Variants in DDX42 observed in about 807,000 individuals in gnomAD.
DDX42 encodes ATP-dependent RNA helicase DDX42.
A neutral mutation model predicts 101.5 loss-of-function variants in DDX42; 22 were observed. The ratio of observed to expected loss-of-function variants is 0.22; its 90% CI spans 0.15 to 0.31. The LOEUF (loss-of-function observed/expected upper bound fraction) is 0.31. DDX42 is among the 10% of genes least tolerant of loss of function. DDX42 has a pLI of 1.00. For missense variants in DDX42, 849 were observed against 1,199.9 expected, an observed-to-expected ratio of 0.71 and a Z score of 4.32; for synonymous variants, 402 against 401.2, an observed-to-expected ratio of 1.00 and a Z score of -0.02.
chr17:63,779,920 CTT>C (rs1457434061), intron 1 of DDX42, among the ~76,000 whole-genome samples: 1 of 152,136 alleles, frequency 6.6e-6, no homozygotes, highest in Non-Finnish European at 1.5e-5. Context: ...GGGTGGCTAT[CTT>C]TTGCTTCTTC....
chr17:63,795,369 G>A (rs1483136534), intron 3 of DDX42, among the ~76,000 whole-genome samples: 1 of 151,936 alleles, frequency 6.6e-6, no homozygotes, highest in Non-Finnish European at 1.5e-5. Flanking sequence ...TTTTTCTTTT[G>A]AGACAGGATC....
chr17:63,803,497 G>C (rs1431556790), intron 6 of DDX42, among the ~76,000 whole-genome samples: 1 of 149,312 alleles, frequency 6.7e-6, no homozygotes, highest in Non-Finnish European at 1.5e-5. Context: ...AAACCTTGGA[G>C]GAGGAGGTTG....
intron 11 of DDX42, among the ~76,000 whole-genome samples, chr17:63,809,987 G>A (rs1435495595): frequency 1.3e-5 from 2 of 152,120 alleles, no homozygotes; most frequent in African/African-American, 4.8e-5. Flanking sequence ...GAGGCCCTTT[G>A]CTTTCCTATC....
chr17:63,809,359 A>G (rs529880010), intron 10 of DDX42, among the ~76,000 whole-genome samples: 11 of 152,320 alleles, frequency 7.2e-5, no homozygotes, highest in African/African-American at 2.6e-4. Context: ...TTTAAATCAC[A>G]GTGTAAATGA....
chr17:63,812,420 A>G (rs1487410248), intron 14 of DDX42, among the ~76,000 whole-genome samples: 1 of 152,164 alleles, frequency 6.6e-6, no homozygotes, highest in African/African-American at 2.4e-5. Flanking sequence ...TTTCTCTCTA[A>G]TCAAAGAATC....
At chr17:63,777,952 A>T (rs1447286284) in intron 1 of DDX42, among the ~76,000 whole-genome samples, 1 of 152,186 alleles carries the variant, frequency 6.6e-6, no homozygotes, top group Non-Finnish European at 1.5e-5. Flanking sequence ...GACCCTGGGA[A>T]ATATGAATGG....
At position 63,809,006 on chromosome 17, in the gene DDX42, T is replaced by A; in HGVS notation, c.1152+58T>A. 4 of 1,590,386 alleles carry A rather than the reference T, an allele frequency of 2.5e-6. No individual in the cohort carries two copies. In the South Asian group the frequency reaches 3.4e-5, roughly 14 times the overall value. ...GCCTCCCTCGGTATGGAAAACATGATTAGTTTTGCAGAGAATTTCCCCTAA... is the reference window on the plus strand; with the variant it reads ...GCCTCCCTCGGTATGGAAAACATGAATAGTTTTGCAGAGAATTTCCCCTAA... On this transcript the variant is annotated intron_variant, in intron 10 of 17. Transcript: ENST00000389924.
chr17:63,803,851 T>C (rs1301561960), intron 6 of DDX42, among the ~76,000 whole-genome samples: 1 of 151,842 alleles, frequency 6.6e-6, no homozygotes, highest in African/African-American at 2.4e-5. Context: ...GCTTTCACCA[T>C]GTTGGCCAGG....
chr17:63,789,474 A>G (rs1314665569), intron 2 of DDX42, among the ~76,000 whole-genome samples: 1 of 151,234 alleles, frequency 6.6e-6, no homozygotes, highest in Non-Finnish European at 1.5e-5. Flanking sequence ...TTGGCCTCCC[A>G]AAGTGCTGGG....
At position 63,812,076 on chromosome 17, in the gene DDX42, G is replaced by A; in HGVS notation, c.1543G>A (p.Ala515Thr). The A allele has an allele frequency of 1.2e-6, 2 of 1,614,226 alleles. No homozygotes were observed. Among genetic ancestry groups the A allele is most frequent in the Non-Finnish European group, 1.7e-6 (2 of 1,180,034 alleles). ...VTKKANAEEL[A>T]NNLKQEGHNL... Reference sequence around the variant, plus strand: ...TAAAAAAGCCAATGCTGAAGAGCTAGCGAATAACCTTAAACAGGAGGGTCA... The same window carrying A: ...TAAAAAAGCCAATGCTGAAGAGCTAACGAATAACCTTAAACAGGAGGGTCA... Residue 515 changes from alanine (A) to threonine (T), a missense_variant, in exon 14 of 18, where the codon GCG becomes ACG. This residue lies in a region of DDX42 where 370 missense variants were observed against 608.8 expected (regional missense o/e 0.61). Coordinates refer to ENST00000389924, the MANE Select transcript of DDX42 (RefSeq NM_203499.3).
chr17:63,802,238 T>C (rs1385674295), intron 6 of DDX42, among the ~76,000 whole-genome samples: 1 of 152,228 alleles, frequency 6.6e-6, no homozygotes, highest in African/African-American at 2.4e-5. Flanking sequence ...GTAAAAATTA[T>C]TAAAGTCGTG....
At chr17:63,781,793 G>A (rs2039491239) in intron 1 of DDX42, among the ~76,000 whole-genome samples, 2 of 151,970 alleles carry the variant, frequency 1.3e-5, no homozygotes, top group African/African-American at 2.4e-5. Flanking sequence ...GGTGGATCAC[G>A]AGGCCAGGAG....
In DDX42 at chr17:63,783,133, A is replaced by T. The variant is rs372902912; in HGVS notation, c.-16-3901A>T. Among the ~76,000 whole-genome samples, 3 of 152,108 alleles carry T rather than the reference A, an allele frequency of 2.0e-5. No individual in the cohort carries two copies. The East Asian group carries it at 5.8e-4, about 29-fold the overall frequency. On this transcript the variant is annotated intron_variant, in intron 1 of 17. Coordinates refer to ENST00000389924, the MANE Select transcript of DDX42 (RefSeq NM_203499.3). Reference sequence around the variant, plus strand: ...GCTCCCACTCATGGACCACCAGTGAATGCACTCTGTATAGTACGTCTGTTA... The same window carrying T: ...GCTCCCACTCATGGACCACCAGTGATTGCACTCTGTATAGTACGTCTGTTA...
intron 13 of DDX42, 105 bp from the exon 14 acceptor site, chr17:63,811,827 T>C: frequency 1.4e-6 from 2 of 1,458,564 alleles, no homozygotes; most frequent in Non-Finnish European, 1.9e-6. Flanking sequence ...GAACTGGGAT[T>C]GTTCAAGGTC....
intron 5 of DDX42, chr17:63,800,083 T>C (rs1411663912): frequency 9.4e-6 from 2 of 211,690 alleles, no homozygotes; most frequent in African/African-American, 4.6e-5. Context: ...AGAATCAGAG[T>C]GAGTGGTAGC....
At chr17:63,804,940 A>G (rs2039820602) in intron 6 of DDX42, 131 bp from the exon 7 acceptor site, 3 of 1,138,774 alleles carry the variant, frequency 2.6e-6, no homozygotes, top group Admixed American at 3.2e-5. Flanking sequence ...AGAATAAATT[A>G]ATTTTTTTGC....
At chr17:63,775,096 A>G (rs183065665) in intron 1 of DDX42, 6 of 152,676 alleles carry the variant, frequency 3.9e-5, no homozygotes, top group African/African-American at 1.4e-4. Flanking sequence ...CCTCTCTCGT[A>G]TACACACCCA....
intron 1 of DDX42, among the ~76,000 whole-genome samples, chr17:63,783,077 A>G (rs1025889778): frequency 6.6e-6 from 1 of 152,002 alleles, no homozygotes; most frequent in Admixed American, 6.6e-5. Flanking sequence ...AAAATTTAAC[A>G]TGTCATCTCT....
chr17:63,792,502 C>G lies in DDX42; in HGVS notation c.312C>G (p.Ser104=). 6.2e-7 allele frequency: 1 copy of G among 1,613,892 alleles called. No individual in the cohort carries two copies. The highest frequency in any genetic ancestry group is 8.5e-7 in the Non-Finnish European group (1 of 1,179,898). The change falls in exon 3 of 18, where the codon TCC becomes TCG. Residue 104 remains serine (S), a synonymous_variant. Coordinates refer to ENST00000389924, the MANE Select transcript of DDX42 (RefSeq NM_203499.3). ...CACCAACTCGCCAGCAATTCCATTC[C>G]AAGCCAGTAGATTCTGACAGCGATG... ...ENSPTRQQFH[S]KPVDSDSDDD... is the part of the protein sequence containing the mutation.
Sources: allele counts gnomAD v4.1 joint callset (sites outside exome capture counted in the v4.1 genomes callset), GRCh38; gene constraint gnomAD v4.1.1; regional missense constraint gnomAD v4.1.1; transcripts MANE v1.5; gene names NCBI Gene and HGNC (gene_info 2026-07-23, HGNC 2026-07-21).